The following HCN1 variants were observed in gnomAD, a reference collection of about 807,000 sequenced individuals.
The protein encoded by HCN1 is potassium/sodium hyperpolarization-activated cyclic nucleotide-gated channel 1.
Under a neutral mutation model 78.9 loss-of-function variants are expected in HCN1, and 13 were observed. The observed-to-expected ratio is 0.16, with a 90% CI of 0.11 to 0.26. HCN1 has a LOEUF of 0.26. Ranked by LOEUF, HCN1 falls within the 10% of genes least tolerant of loss-of-function variation. HCN1 has a pLI of 1.00. For synonymous variants in HCN1, 552 were observed against 455.5 expected (o/e 1.21, Z -2.70); for missense variants, 810 against 1,154.3 (o/e 0.70, Z 4.32).
chr5:45,386,289 C>G (rs1017286102), intron 4 of HCN1, among the ~76,000 whole-genome samples: 4 of 151,908 alleles, frequency 2.6e-5, no homozygotes, highest in African/African-American at 9.7e-5. Context: ...GATCCTCCCA[C>G]CTCAGACTCC....
At position 45,661,135 on chromosome 5, in the gene HCN1, T is replaced by A. The variant is rs1157422443; in HGVS notation, c.426-15527A>T. On this transcript the variant is annotated intron_variant, in intron 1 of 7. Coordinates refer to ENST00000303230, the MANE Select transcript of HCN1 (RefSeq NM_021072.4). Reference sequence around the variant, plus strand: ...GACCACGGTGCAATCAAACTAGAACTCAGGATTAAGAATCTCACTCAAAGC... The same window carrying A: ...GACCACGGTGCAATCAAACTAGAACACAGGATTAAGAATCTCACTCAAAGC... 4.1e-5 allele frequency among the ~76,000 whole-genome samples: 6 copies of A among 147,982 alleles called. No homozygotes were observed. The South Asian group carries it at 6.7e-4, about 17-fold the overall frequency.
At position 45,261,807 on chromosome 5, in the gene HCN1, A is replaced by C. The variant is rs1201583386; in HGVS notation, c.*114T>G. ...TTCACGTGTAGGCCACAGCTGTCTA[A>C]AATATCTCTTCATAGTAGGCTAGAG... On this transcript the variant is annotated 3_prime_UTR_variant, in exon 8 of 8. Transcript: ENST00000303230. 3 of 1,345,646 alleles carry C rather than the reference A, an allele frequency of 2.2e-6. No homozygotes were observed. Among genetic ancestry groups the C allele is most frequent in the Non-Finnish European group, 3.2e-6 (3 of 945,912 alleles). 83.4% of individuals were successfully genotyped at this position (1,345,646 alleles called of 1,614,324 possible).
chr5:45,503,255 C>T (rs1053674891), intron 2 of HCN1, among the ~76,000 whole-genome samples: 10 of 152,082 alleles, frequency 6.6e-5, no homozygotes, highest in Non-Finnish European at 8.8e-5. Flanking sequence ...TGCCAAAAAA[C>T]AACCCTGAAT....
intron 4 of HCN1, among the ~76,000 whole-genome samples, chr5:45,381,666 G>A (rs114399392): frequency 2.6e-5 from 4 of 151,860 alleles, no homozygotes; most frequent in Admixed American, 2.0e-4. Context: ...CATCAATCCA[G>A]CAAGTCCTGC....
At chr5:45,535,713 T>C (rs1434975259) in intron 2 of HCN1, among the ~76,000 whole-genome samples, 1 of 151,920 alleles carries the variant, frequency 6.6e-6, no homozygotes, top group African/African-American at 2.4e-5. Flanking sequence ...CAAATAAATA[T>C]TTTTAATACC....
At chr5:45,293,956 G>A (rs143677575) in intron 6 of HCN1, among the ~76,000 whole-genome samples, 1 of 151,720 alleles carries the variant, frequency 6.6e-6, no homozygotes, top group Non-Finnish European at 1.5e-5. Context: ...AATGAGGAAG[G>A]AAAAGAAAAA....
At chr5:45,693,638 T>C (rs1739954561) in intron 1 of HCN1, among the ~76,000 whole-genome samples, 1 of 152,292 alleles carries the variant, frequency 6.6e-6, no homozygotes, top group East Asian at 1.9e-4. Context: ...GAAGATTTCC[T>C]TGGGAAAATA....
intron 5 of HCN1, among the ~76,000 whole-genome samples, chr5:45,335,654 A>T (rs1396313672): frequency 6.6e-6 from 1 of 152,074 alleles, no homozygotes; most frequent in Non-Finnish European, 1.5e-5. Context: ...AAAATATAAC[A>T]GCTGTAAGAG....
intron 2 of HCN1, among the ~76,000 whole-genome samples, chr5:45,520,998 T>G (rs545301047): frequency 6.6e-6 from 1 of 152,022 alleles, no homozygotes; most frequent in East Asian, 1.9e-4. Context: ...GGTTTTTTTT[T>G]TTGTTTTTTT....
In HCN1 at chr5:45,695,860, C is replaced by T. The variant is rs752840004; in HGVS notation, c.234G>A (p.Ala78=). ...GCCCCTCGGCGTCTTCGAAGCCCCC[C>T]GCCGGCTCCTCGCCGCCGCCGCCGC... ...GGGGGGGEEP[A]GGFEDAEGPR... is the part of the protein sequence containing the mutation. Residue 78 remains alanine (A), a synonymous_variant, in exon 1 of 8, where the codon GCG becomes GCA. Transcript: ENST00000303230. 6.3e-7 allele frequency: 1 copy of T among 1,585,806 alleles called. No homozygotes were observed. The highest frequency in any genetic ancestry group is 8.5e-7 in the Non-Finnish European group (1 of 1,171,882).
intron 1 of HCN1, among the ~76,000 whole-genome samples, chr5:45,669,584 A>C (rs1286893338): frequency 6.6e-6 from 1 of 151,816 alleles, no homozygotes; most frequent in Non-Finnish European, 1.5e-5. Flanking sequence ...AACTATACAT[A>C]GAAAGAAGAA....
intron 2 of HCN1, among the ~76,000 whole-genome samples, chr5:45,526,357 G>A (rs987984060): frequency 6.6e-5 from 10 of 152,012 alleles, no homozygotes; most frequent in African/African-American, 2.4e-4. Context: ...AAACTCCCTG[G>A]GAGACAACAG....
intron 2 of HCN1, among the ~76,000 whole-genome samples, chr5:45,470,872 C>T (rs918818836): frequency 1.1e-4 from 16 of 151,916 alleles, no homozygotes; most frequent in Middle Eastern, 3.2e-3. Context: ...TTAATCAGCA[C>T]TCATTTTTCT....
intron 5 of HCN1, among the ~76,000 whole-genome samples, chr5:45,326,274 C>T (rs1746232281): frequency 6.6e-6 from 1 of 151,548 alleles, no homozygotes; most frequent in South Asian, 2.1e-4. Context: ...TCTTTATTGT[C>T]ATCATCTTCA....
intron 3 of HCN1, among the ~76,000 whole-genome samples, chr5:45,439,397 G>C (rs529533650): frequency 1.3e-5 from 2 of 151,964 alleles, no homozygotes; most frequent in Non-Finnish European, 2.9e-5. Flanking sequence ...TATGTAATGG[G>C]CCAAATGATA....
intron 6 of HCN1, among the ~76,000 whole-genome samples, chr5:45,295,589 T>C (rs1745473671): frequency 6.6e-6 from 1 of 152,176 alleles, no homozygotes; most frequent in Non-Finnish European, 1.5e-5. Context: ...TTATTGTAGA[T>C]ATAAATCAAG....
intron 2 of HCN1, among the ~76,000 whole-genome samples, chr5:45,522,197 A>C (rs1742627955): frequency 6.6e-6 from 1 of 152,024 alleles, no homozygotes; most frequent in African/African-American, 2.4e-5. Context: ...AAGTTGTTAA[A>C]AAAAGTCATG....
chr5:45,371,649 C>G (rs866129272), intron 4 of HCN1, among the ~76,000 whole-genome samples: 1 of 149,750 alleles, frequency 6.7e-6, no homozygotes, highest in South Asian at 2.1e-4. Flanking sequence ...CCCAGCTACT[C>G]GTGAGGCTGA....
intron 4 of HCN1, among the ~76,000 whole-genome samples, chr5:45,393,969 A>C (rs1579865422): frequency 6.6e-6 from 1 of 152,274 alleles, no homozygotes; most frequent in South Asian, 2.1e-4. Context: ...ATTTTTCCTG[A>C]TAGAACTAGT....
Sources: allele counts gnomAD v4.1 joint callset (sites outside exome capture counted in the v4.1 genomes callset), GRCh38; gene constraint gnomAD v4.1.1; transcripts MANE v1.5; gene names NCBI Gene and HGNC (gene_info 2026-07-23, HGNC 2026-07-21).